The following HHIPL1 variants were observed in gnomAD, a reference collection of about 807,000 sequenced individuals.
HHIPL1 encodes the protein HHIP-like protein 1.
HHIPL1 carries 43 observed loss-of-function variants against 61.8 expected under a neutral mutation model. That is an observed-to-expected ratio of 0.70 (90% CI 0.55 to 0.90). The LOEUF (loss-of-function observed/expected upper bound fraction) is 0.90, where lower values mean the gene tolerates loss of function less well. Ranked by LOEUF, HHIPL1 falls within the 40% of genes least tolerant of loss-of-function variation. The pLI is 0.00. For synonymous variants in HHIPL1, 482 were observed against 515.8 expected, an observed-to-expected ratio of 0.93 and a Z score of 0.89; for missense variants, 1,056 against 1,157.7, an observed-to-expected ratio of 0.91 and a Z score of 1.28.
At chr14:99,615,336 C>T in the HHIPL1 span, among the ~76,000 whole-genome samples, 2 of 152,154 alleles carry the variant, frequency 1.3e-5, no homozygotes, top group African/African-American at 2.4e-5. Flanking sequence ...TGCTTGAGCC[C>T]AGGAGTTCAA....
intron 7 of HHIPL1, among the ~76,000 whole-genome samples, chr14:99,671,038 G>A (rs1298022370): frequency 6.6e-6 from 1 of 151,988 alleles, no homozygotes; most frequent in Non-Finnish European, 1.5e-5. Flanking sequence ...GAGTTCTCTC[G>A]CTCACGGTCT....
At chr14:99,656,807 G>GA (rs1271098911) in intron 2 of HHIPL1, among the ~76,000 whole-genome samples, 193 bp from the exon 3 acceptor site, 1 of 2,360 alleles carries the variant, frequency 4.2e-4, no homozygotes, top group African/African-American at 4.9e-4. Flanking sequence ...AAGAAAGAAA[G>GA]AAAGAAAGAA....
intron 1 of HHIPL1, among the ~76,000 whole-genome samples, chr14:99,649,771 G>T (rs112741773): frequency 4.8e-4 from 73 of 152,352 alleles, no homozygotes; most frequent in African/African-American, 1.8e-3. Context: ...ACTCTAGCCT[G>T]GATGACAGAG....
At chr14:99,655,222 C>T (rs896336436) in intron 2 of HHIPL1, among the ~76,000 whole-genome samples, 7 of 152,226 alleles carry the variant, frequency 4.6e-5, no homozygotes, top group East Asian at 1.9e-4. Context: ...ATCATATGCA[C>T]AGGCCTCACA....
chr14:99,662,850 G>A, intron 5 of HHIPL1, 26 bp from the exon 6 acceptor site: 2 of 1,552,874 alleles, frequency 1.3e-6, no homozygotes, highest in South Asian at 2.5e-5. Flanking sequence ...GCCAGGCATG[G>A]CCTCACAGCT....
intron 6 of HHIPL1, among the ~76,000 whole-genome samples, chr14:99,665,808 G>A (rs961037848): frequency 6.6e-6 from 1 of 152,058 alleles, no homozygotes; most frequent in Admixed American, 6.5e-5. Flanking sequence ...TTGAGACAGG[G>A]TCTCGCTCTG....
chr14:99,621,709 CTTTTTTTTTTTTTT>C, the HHIPL1 span, among the ~76,000 whole-genome samples: 3 of 84,534 alleles, frequency 3.5e-5, no homozygotes, highest in Non-Finnish European at 6.4e-5. Flanking sequence ...CTTTTCTTTT[CTTTTTTTTTTTTTT>C]TTTTTTTTTT....
intron 7 of HHIPL1, chr14:99,669,134 C>CGACT (rs2056297795): frequency 7.2e-7 from 1 of 1,382,892 alleles, no homozygotes; most frequent in Non-Finnish European, 9.4e-7. Context: ...CTGGGCTACA[C>CGACT]GACTGACTCT....
At chr14:99,670,004 C>A (rs1277874924) in intron 7 of HHIPL1, among the ~76,000 whole-genome samples, 1 of 152,218 alleles carries the variant, frequency 6.6e-6, no homozygotes, top group Non-Finnish European at 1.5e-5. Flanking sequence ...TGCCCCTTAC[C>A]CTGTGTCCCT....
intron 1 of HHIPL1, among the ~76,000 whole-genome samples, chr14:99,651,885 A>G (rs2055936136): frequency 6.6e-6 from 1 of 152,134 alleles, no homozygotes. Context: ...TGCAGCAGTG[A>G]GCTGTGCTGA....
At chr14:99,615,009 G>A in the HHIPL1 span, among the ~76,000 whole-genome samples, 33 of 152,264 alleles carry the variant, frequency 2.2e-4, no homozygotes, top group African/African-American at 7.5e-4. Context: ...CACCAGGGTT[G>A]AGAAAATCCT....
chr14:99,636,102 G>A, the HHIPL1 span, among the ~76,000 whole-genome samples: 7 of 152,294 alleles, frequency 4.6e-5, no homozygotes, highest in African/African-American at 9.6e-5. Context: ...ACCTGATTAT[G>A]ACTAGCTGTT....
the HHIPL1 span, among the ~76,000 whole-genome samples, chr14:99,626,024 T>C: frequency 1.3e-5 from 2 of 152,098 alleles, no homozygotes; most frequent in Non-Finnish European, 2.9e-5. Context: ...GATGAATGCC[T>C]GCATTGCTAC....
At chr14:99,618,598 G>A in the HHIPL1 span, among the ~76,000 whole-genome samples, 19 of 152,246 alleles carry the variant, frequency 1.2e-4, no homozygotes, top group African/African-American at 4.6e-4. Flanking sequence ...CCTGAGGTCC[G>A]CTCTGGGCTC....
At chr14:99,640,427 G>A (rs1317791364), upstream of HHIPL1, among the ~76,000 whole-genome samples, 1 of 151,922 alleles carries the variant, frequency 6.6e-6, no homozygotes, top group Non-Finnish European at 1.5e-5. Context: ...TGGGACTACA[G>A]TTGCACACCA....
At chr14:99,658,855 C>T (rs1343059786) in intron 3 of HHIPL1, among the ~76,000 whole-genome samples, 1 of 152,094 alleles carries the variant, frequency 6.6e-6, no homozygotes, top group Non-Finnish European at 1.5e-5. Flanking sequence ...ATGTGCTGGT[C>T]ACAGTGCCGA....
intron 7 of HHIPL1, chr14:99,669,148 C>T: frequency 7.3e-7 from 1 of 1,364,012 alleles, no homozygotes. Context: ...TGACTCTCTC[C>T]CAGCTGCTCT....
At position 99,654,291 on chromosome 14, in the gene HHIPL1, G is replaced by A. The variant is rs538478841; in HGVS notation, c.902+1421G>A. Among the ~76,000 whole-genome samples the A allele has an allele frequency of 1.6e-4, 25 of 152,340 alleles. No individual in the cohort carries two copies. The South Asian group carries it at 5.0e-3, about 30-fold the overall frequency. On this transcript the variant is annotated intron_variant, in intron 2 of 8. Transcript: ENST00000330710. The stretch of plus-strand genomic sequence containing the variant: ...GAAGCTGCCTCTACCCCTTGGGCCG[G>A]GAGGACAAAGTGAGAAGATGGGGTT...
intron 1 of HHIPL1, among the ~76,000 whole-genome samples, chr14:99,646,787 A>C (rs373779975): frequency 1.5e-5 from 2 of 134,330 alleles, no homozygotes; most frequent in African/African-American, 5.7e-5. Flanking sequence ...AATATAATAT[A>C]ATATAATATG....
Sources: allele counts gnomAD v4.1 joint callset (sites outside exome capture counted in the v4.1 genomes callset), GRCh38; gene constraint gnomAD v4.1.1; transcripts MANE v1.5; gene names NCBI Gene and HGNC (gene_info 2026-07-23, HGNC 2026-07-21).